Variants in MAP3K15 observed in about 807,000 individuals in gnomAD.
MAP3K15 encodes mitogen-activated protein kinase kinase kinase 15, also known as MAPK/ERK kinase kinase 15.
Under a neutral mutation model 99.5 loss-of-function variants are expected in MAP3K15, and 124 were observed. The ratio of observed to expected loss-of-function variants is 1.25; its 90% CI spans 1.08 to 1.45. The LOEUF (loss-of-function observed/expected upper bound fraction) is 1.45. MAP3K15 is among the 40% of genes most tolerant of loss of function. The pLI is 0.00. For missense variants in MAP3K15, 1,242 were observed against 1,079.7 expected, an observed-to-expected ratio of 1.15 and a Z score of -2.11; for synonymous variants, 494 against 439.6, an observed-to-expected ratio of 1.12 and a Z score of -1.55.
At chrX:19,387,648 G>A (rs1337464443) in intron 18 of MAP3K15, among the ~76,000 whole-genome samples, 6 of 111,591 alleles carry the variant, frequency 5.4e-5, no homozygotes, top group Non-Finnish European at 1.1e-4. Flanking sequence ...CAGCCTCCCA[G>A]AGAGCTGGGA....
chrX:19,422,481 C>A (rs2063795722), intron 9 of MAP3K15, among the ~76,000 whole-genome samples: 1 of 111,767 alleles, frequency 8.9e-6, no homozygotes, highest in African/African-American at 3.3e-5. Flanking sequence ...CAATGAGATA[C>A]CATCTCACAC....
intron 16 of MAP3K15, among the ~76,000 whole-genome samples, chrX:19,392,933 T>C (rs760850706): frequency 7.0e-4 from 77 of 110,170 alleles, no homozygotes; most frequent in African/African-American, 2.5e-3. Context: ...AGGTCCACAG[T>C]GAGGGGCCCT....
chrX:19,454,689 T>C (rs767349401), intron 6 of MAP3K15, among the ~76,000 whole-genome samples: 1 of 112,071 alleles, frequency 8.9e-6, no homozygotes, highest in East Asian at 2.8e-4. Context: ...TCATTTCTTG[T>C]CCATCACTAT....
chrX:19,461,374 C>T (rs1392180777), intron 4 of MAP3K15, among the ~76,000 whole-genome samples: 1 of 112,090 alleles, frequency 8.9e-6, no homozygotes, highest in African/African-American at 3.2e-5. Flanking sequence ...GGATTACAGG[C>T]GTGAGCCACC....
intron 25 of MAP3K15, among the ~76,000 whole-genome samples, chrX:19,363,656 G>GT (rs775799924): frequency 0.077 from 7,182 of 93,713 alleles, 525 homozygotes; most frequent in African/African-American, 0.25. Context: ...TTTTGTTTTT[G>GT]TTTTTTTTTT....
chrX:19,393,446 C>T (rs913657253), intron 16 of MAP3K15, among the ~76,000 whole-genome samples: 16 of 111,629 alleles, frequency 1.4e-4, no homozygotes, highest in Non-Finnish European at 2.6e-4. Flanking sequence ...GCCTGGTCAA[C>T]GTGGCAAAAC....
At chrX:19,367,699 C>T (rs1320471043) in intron 25 of MAP3K15, among the ~76,000 whole-genome samples, 1 of 92,961 alleles carries the variant, frequency 1.1e-5, no homozygotes, top group Non-Finnish European at 2.1e-5. Context: ...GGAATGAGTA[C>T]CAACTCATTT....
intron 4 of MAP3K15, 87 bp downstream of exon 4, chrX:19,464,126 G>A (rs2147362663): frequency 2.4e-6 from 2 of 826,993 alleles, no homozygotes; most frequent in East Asian, 6.4e-5. Context: ...CAGCAACTCT[G>A]TTCATTTGAA....
At chrX:19,490,144 CACACACACACACA>C (rs1183975009) in intron 1 of MAP3K15, among the ~76,000 whole-genome samples, 2 of 71,629 alleles carry the variant, frequency 2.8e-5, no homozygotes, top group African/African-American at 1.1e-4. Context: ...GCATTATACA[CACACACACACACA>C]CACACACACA....
At chrX:19,378,210 C>A (rs1341549750) in intron 19 of MAP3K15, among the ~76,000 whole-genome samples, 1 of 112,495 alleles carries the variant, frequency 8.9e-6, no homozygotes, top group Admixed American at 9.4e-5. Context: ...GCCGTGTCCA[C>A]ACACTGCGGC....
chrX:19,490,166 CACACACACACACACACACATACATACAA>C (rs1228664176), intron 1 of MAP3K15, among the ~76,000 whole-genome samples: 2 of 85,890 alleles, frequency 2.3e-5, no homozygotes, highest in Non-Finnish European at 5.1e-5. Flanking sequence ...CACACACACA[CACACACACACACACACACATACATACAA>C]AAATTCCTTA....
In MAP3K15 at chrX:19,360,573, A is replaced by G. The variant is rs2063270735; in HGVS notation, c.*176T>C. The G allele has an allele frequency of 2.4e-6, 1 of 408,946 alleles. No individual in the cohort carries two copies. Among genetic ancestry groups the G allele is most frequent in the Non-Finnish European group, 4.2e-6 (1 of 236,581 alleles). 33.7% of individuals were successfully genotyped at this position (408,946 alleles called of 1,213,427 possible). ...CAATACACACAGTTCTATGTTTATA[A>G]ATAACAGGTTTCAAAAGAAACTCAG... On this transcript the variant is annotated 3_prime_UTR_variant, in exon 29 of 29. Transcript: ENST00000338883.
intron 20 of MAP3K15, 36 bp downstream of exon 20, chrX:19,374,441 C>G: frequency 1.0e-5 from 12 of 1,179,661 alleles, no homozygotes; most frequent in Non-Finnish European, 1.4e-5. Context: ...ATTCTTGTGG[C>G]CAGGGTGCTG....
intron 13 of MAP3K15, among the ~76,000 whole-genome samples, chrX:19,406,846 CA>C (rs960851975): frequency 2.7e-5 from 3 of 112,145 alleles, no homozygotes; most frequent in African/African-American, 9.7e-5. Context: ...GGATTACAGG[CA>C]TGCGCCACCA....
intron 18 of MAP3K15, among the ~76,000 whole-genome samples, chrX:19,390,309 T>C (rs990698182): frequency 2.1e-4 from 19 of 88,817 alleles, no homozygotes; most frequent in South Asian, 1.2e-3. Context: ...TTTTCTTTTT[T>C]TTTTTTTTTT....
intron 1 of MAP3K15, among the ~76,000 whole-genome samples, chrX:19,490,783 C>T (rs2094709074): frequency 9.1e-6 from 1 of 109,848 alleles, no homozygotes; most frequent in African/African-American, 3.3e-5. Context: ...AAAATGCACC[C>T]TGGAGTTGCA....
At chrX:19,377,605 C>T (rs7889758) in intron 19 of MAP3K15, among the ~76,000 whole-genome samples, 2,080 of 111,865 alleles carry the variant, frequency 0.019, 60 homozygotes, top group African/African-American at 0.064. Context: ...AGGCGGGGAG[C>T]CAGGCATGCC....
chrX:19,368,152 T>C (rs1362079930), intron 25 of MAP3K15, among the ~76,000 whole-genome samples: 2 of 110,630 alleles, frequency 1.8e-5, no homozygotes, highest in Non-Finnish European at 3.8e-5. Flanking sequence ...TCCCCTTTTT[T>C]TCTTTTTTTC....
intron 3 of MAP3K15, 98 bp from the exon 4 acceptor site, chrX:19,464,504 T>G: frequency 1.6e-6 from 1 of 614,055 alleles, no homozygotes; most frequent in South Asian, 3.1e-5. Flanking sequence ...GAGAAAATAC[T>G]TGAGGATGAA....
Sources: gnomAD v4.1 joint callset for allele counts (sites outside exome capture counted in the v4.1 genomes callset) on GRCh38, gnomAD v4.1.1 for gene constraint, MANE v1.5 for transcripts, NCBI Gene and HGNC (gene_info 2026-07-23, HGNC 2026-07-21) for gene names.